SCN1A: variants seen among roughly 807,000 people sequenced by gnomAD.
The protein encoded by SCN1A is sodium channel protein type 1 subunit alpha.
A neutral mutation model predicts 193.7 loss-of-function variants in SCN1A; 13 were observed. The ratio of observed to expected loss-of-function variants is 0.07; its 90% confidence interval spans 0.04 to 0.11. SCN1A has a LOEUF of 0.11. Ranked by LOEUF, SCN1A falls within the 10% of genes least tolerant of loss-of-function variation. SCN1A has a pLI of 1.00. For missense variants in SCN1A, 1,432 were observed against 2,451.1 expected (o/e 0.58, Z 8.78); for synonymous variants, 781 against 843.6 (o/e 0.93, Z 1.29).
chr2:166,068,942 G>A (rs949403900), intron 4 of SCN1A, among the ~76,000 whole-genome samples: 3 of 151,944 alleles, frequency 2.0e-5, no homozygotes, highest in Non-Finnish European at 2.9e-5. Flanking sequence ...ATAATGATTC[G>A]TCTGTAATTT....
At position 165,986,986 on chromosome 2, in the gene SCN1A, T is replaced by G. The variant is rs1573925663; in HGVS notation, c.*4259A>C. ...ACTAATAAACAGTCCATATTCAAATTTATTCAACTTTCCCAATAATATTAT... is the reference window on the plus strand; with the variant it reads ...ACTAATAAACAGTCCATATTCAAATGTATTCAACTTTCCCAATAATATTAT... On this transcript the variant is annotated 3_prime_UTR_variant, in exon 29 of 29. Coordinates refer to ENST00000674923, the MANE Select transcript of SCN1A (RefSeq NM_001165963.4). The G allele has an allele frequency of 6.6e-6, 1 of 152,090 alleles. No homozygotes were observed. The highest frequency in any genetic ancestry group is 6.6e-5 in the Admixed American group (1 of 15,246). The allele number at this position is 152,090 out of a possible 1,614,324, so 9.4% of individuals were successfully genotyped here. A position where few individuals can be genotyped will look rare whatever the true frequency, so the allele number is the denominator to read the frequency against.
chr2:166,027,776 G>GAA (rs1263208337), intron 19 of SCN1A, among the ~76,000 whole-genome samples: 1 of 151,934 alleles, frequency 6.6e-6, no homozygotes, highest in African/African-American at 2.4e-5. Context: ...CCTCAGAAAT[G>GAA]CTAGTATTAA....
chr2:166,000,614 CCTTGTGAGGTGGTGGATTT>C lies in SCN1A; in HGVS notation c.4285-857_4285-839del, dbSNP rs535802749. Among the ~76,000 whole-genome samples the C allele has an allele frequency of 4.2e-4, 64 of 151,700 alleles. 2 individuals are homozygous for C. In the South Asian group the frequency reaches 0.013, roughly 31 times the overall value. On this transcript the variant is annotated intron_variant, in intron 24 of 28. Transcript: ENST00000674923. ...ATATCTTTGTTCTGATAACGCTAAC[CCTTGTGAGGTGGTGGATTT>C]CATGAGACAAAAGCTAAGCAAGGGT...
chr2:166,034,599 T>G (rs1696088807), intron 19 of SCN1A, among the ~76,000 whole-genome samples: 1 of 152,236 alleles, frequency 6.6e-6, no homozygotes, highest in South Asian at 2.1e-4. Context: ...CCTTGTTAAT[T>G]ATCTTATATA....
chr2:166,023,096 C>A (rs1694278936), intron 19 of SCN1A, among the ~76,000 whole-genome samples: 1 of 152,282 alleles, frequency 6.6e-6, no homozygotes, highest in Non-Finnish European at 1.5e-5. Flanking sequence ...TATTTTATAG[C>A]TATACCTCAT....
intron 24 of SCN1A, among the ~76,000 whole-genome samples, chr2:166,001,871 T>TTC (rs201994622): frequency 0.01 from 1,327 of 127,684 alleles, 69 homozygotes; most frequent in Non-Finnish European, 0.014. Flanking sequence ...CCAGGTATAA[T>TTC]TCTCTCTCTT....
chr2:165,991,420 TTA>T lies in SCN1A; in HGVS notation c.5853_5854del (p.Asn1952SerfsTer10), dbSNP rs2105422179. The T allele has an allele frequency of 1.2e-6, 2 of 1,613,832 alleles. No homozygotes were observed. The highest frequency in any genetic ancestry group is 4.5e-5 in the East Asian group (2 of 44,848). On this transcript the variant is annotated frameshift_variant, in exon 29 of 29. Transcript: ENST00000674923. LOFTEE classifies it high-confidence loss of function. ...TATCATGTCTTCTTTTATAAGAAGA[TTA>T]GCCCCACCTTTGATTTTGTTTTTAT... is the stretch of plus-strand genomic sequence containing the variant.
chr2:166,026,679 C>CT (rs35750460), intron 19 of SCN1A, among the ~76,000 whole-genome samples: 5,789 of 97,706 alleles, frequency 0.059, 388 homozygotes, highest in African/African-American at 0.12. Context: ...TTCTTTCTTT[C>CT]TTTTTTTTTT....
In SCN1A at chr2:166,074,215, A is replaced by G. The variant is rs116523751; in HGVS notation, c.-49-545T>C. ...TTTAACCTCTTCTAAGATTTGAGACAACTGGAACTATGTCCTGCTCACTTC... is the reference window on the plus strand; with the variant it reads ...TTTAACCTCTTCTAAGATTTGAGACGACTGGAACTATGTCCTGCTCACTTC... On this transcript the variant is annotated intron_variant, in intron 3 of 28. Coordinates refer to ENST00000674923, the MANE Select transcript of SCN1A (RefSeq NM_001165963.4). Among the ~76,000 whole-genome samples, 1,102 of 152,316 alleles carry G rather than the reference A, an allele frequency of 7.2e-3. 20 individuals are homozygous for G. The highest frequency in any genetic ancestry group is 0.025 in the African/African-American group (1,057 of 41,574).
At chr2:166,040,192 A>T (rs996579203) in intron 16 of SCN1A, among the ~76,000 whole-genome samples, 1 of 152,182 alleles carries the variant, frequency 6.6e-6, no homozygotes, top group Non-Finnish European at 1.5e-5. Flanking sequence ...TGCTGGGATT[A>T]CAGGCGTGAG....
chr2:166,115,237 T>C (rs1689724476), intron 2 of SCN1A, among the ~76,000 whole-genome samples: 1 of 152,086 alleles, frequency 6.6e-6, no homozygotes, highest in Admixed American at 6.6e-5. Flanking sequence ...CGCATGCTTG[T>C]AGTCCCCGCC....
chr2:165,995,946 T>C, intron 27 of SCN1A, 67 bp downstream of exon 27: 2 of 1,092,798 alleles, frequency 1.8e-6, no homozygotes, highest in Non-Finnish European at 2.8e-6. Context: ...CTACTTTCTT[T>C]TTTGTGAGAC....
rs1407197052 is a variant in SCN1A at position 165,991,214 on chromosome 2, T to C, written c.*31A>G. The C allele has an allele frequency of 6.4e-7, 1 of 1,561,496 alleles. No homozygotes were observed. The highest frequency in any genetic ancestry group is 8.7e-7 in the Non-Finnish European group (1 of 1,147,686). Reference sequence around the variant, plus strand: ...ATCACCTTCACAGGCTGTAAACAATTTGTCACCCAATTATTTTTATTTATT... The same window carrying C: ...ATCACCTTCACAGGCTGTAAACAATCTGTCACCCAATTATTTTTATTTATT... On this transcript the variant is annotated 3_prime_UTR_variant, in exon 29 of 29. Transcript: ENST00000674923.
chr2:165,997,658 A>C (rs1690258992), intron 26 of SCN1A, among the ~76,000 whole-genome samples: 1 of 151,442 alleles, frequency 6.6e-6, no homozygotes, highest in South Asian at 2.1e-4. Context: ...GCAAAGAATT[A>C]GTTGGAAAAT....
intron 2 of SCN1A, among the ~76,000 whole-genome samples, chr2:166,097,269 G>C (rs897242231): frequency 6.6e-6 from 1 of 151,718 alleles, no homozygotes; most frequent in South Asian, 2.1e-4. Context: ...CAATCTGCCC[G>C]CCTTGGCCTT....
At chr2:165,993,318 A>T (rs560100787) in intron 28 of SCN1A, 1 of 152,034 alleles carries the variant, frequency 6.6e-6, no homozygotes, top group Admixed American at 6.6e-5. Flanking sequence ...GCTATATACA[A>T]TGAGCTGGAT....
chr2:166,051,974 C>T lies in SCN1A; in HGVS notation c.709G>A (p.Val237Met). 6.2e-7 allele frequency: 1 copy of T among 1,611,320 alleles called. No homozygotes were observed. Among genetic ancestry groups the T allele is most frequent in the Non-Finnish European group, 8.5e-7 (1 of 1,178,318 alleles). The change falls in exon 9 of 29, where the codon GTG becomes ATG. Residue 237 changes from valine to methionine, a missense_variant. Around this residue, in one of 18 missense-constraint regions of SCN1A, gnomAD observed 123 missense variants for 282.8 expected, o/e 0.43. Coordinates refer to ENST00000674923, the MANE Select transcript of SCN1A (RefSeq NM_001165963.4). ...ISVIPGLKTIVGALIQSVKKL... is the reference protein window; with the variant it reads ...ISVIPGLKTIMGALIQSVKKL... ...TTCACAGACTGGATCAGGGCTCCCA[C>T]AATGGTTTTCAGGCCTGAAAGAAAG...
intron 24 of SCN1A, among the ~76,000 whole-genome samples, chr2:166,000,591 A>G (rs1015513713): frequency 1.3e-5 from 2 of 151,744 alleles, no homozygotes; most frequent in Non-Finnish European, 2.9e-5. Context: ...ATCACAATAT[A>G]TCTTTGTTCT....
intron 8 of SCN1A, 137 bp from the exon 9 acceptor site, chr2:166,052,125 A>T: frequency 1.4e-6 from 1 of 696,954 alleles, no homozygotes; most frequent in Non-Finnish European, 2.4e-6. Context: ...GCAACACTTC[A>T]TTGAAGGGGA....
Sources: gnomAD v4.1 joint callset for allele counts (sites outside exome capture counted in the v4.1 genomes callset) on GRCh38, gnomAD v4.1.1 for gene constraint, gnomAD v4.1.1 regional missense constraint, MANE v1.5 for transcripts, NCBI Gene and HGNC (gene_info 2026-07-23, HGNC 2026-07-21) for gene names.